The following NOCT variants were observed in gnomAD, a reference collection of about 807,000 sequenced individuals.
NOCT encodes CCR4 carbon catabolite repression 4-like.
In NOCT, 18 loss-of-function variants were observed where a neutral mutation model predicts 35.0. The ratio of observed to expected loss-of-function variants is 0.51; its 90% confidence interval spans 0.36 to 0.76. The LOEUF (loss-of-function observed/expected upper bound fraction) is 0.76, where lower values mean the gene tolerates loss of function less well. Among genes scored for constraint, NOCT ranks in the 30% least tolerant of loss-of-function variants. The probability of loss-of-function intolerance (pLI) is 0.01; values close to 1 mark genes in which losing one functional copy is unlikely to be tolerated. For synonymous variants in NOCT, 235 were observed against 226.3 expected (o/e 1.04, Z -0.34); for missense variants, 479 against 541.0 (o/e 0.89, Z 1.14).
rs1241888611 is a variant in NOCT at position 139,030,759 on chromosome 4, TGA to T, written c.191-12314_191-12313del. 5.3e-5 allele frequency among the ~76,000 whole-genome samples: 8 copies of T among 152,340 alleles called. No homozygotes were observed. The South Asian group carries it at 8.3e-4, about 16-fold the overall frequency. On this transcript the variant is annotated intron_variant, in intron 1 of 2. Coordinates refer to ENST00000280614, the MANE Select transcript of NOCT (RefSeq NM_012118.4). ...CTGGAACCTACTCTAAGAAGGCTAA[TGA>T]AAATCAGCTGCTAAATTAGCTTAGT...
At position 139,045,355 on chromosome 4, in the gene NOCT, G is replaced by C. The variant is rs144899070; in HGVS notation, c.1177G>C (p.Asp393His). Residue 393 changes from aspartate to histidine, a missense_variant, in exon 3 of 3, where the codon GAT becomes CAT. This residue lies in a region of NOCT where 214 missense variants were observed against 284.0 expected (regional missense o/e 0.75). Transcript: ENST00000280614. ...KHALNVRSALDLLTEEQIGPN... is the reference protein window; with the variant it reads ...KHALNVRSALHLLTEEQIGPN... ...TGCTCTAAATGTAAGGTCAGCTCTC[G>C]ATCTGCTCACTGAAGAACAGATTGG... 6.2e-7 allele frequency: 1 copy of C among 1,613,558 alleles called. No individual in the cohort carries two copies. The highest frequency in any genetic ancestry group is 1.7e-5 in the Admixed American group (1 of 59,978).
chr4:139,037,123 A>C (rs1366847608), intron 1 of NOCT, among the ~76,000 whole-genome samples: 2 of 152,238 alleles, frequency 1.3e-5, no homozygotes, highest in Non-Finnish European at 2.9e-5. Context: ...GTGTTGCACC[A>C]GTCCACCTTG....
At chr4:139,042,070 TC>T (rs1202699427) in intron 1 of NOCT, among the ~76,000 whole-genome samples, 2 of 114,128 alleles carry the variant, frequency 1.8e-5, no homozygotes, top group South Asian at 3.0e-4. Context: ...GTCTTTAAGA[TC>T]TTTTTTTTTT....
At chr4:139,028,371 G>T (rs1030368176) in intron 1 of NOCT, 20 of 152,278 alleles carry the variant, frequency 1.3e-4, no homozygotes, top group African/African-American at 4.8e-4. Context: ...AGGTTGTTTG[G>T]ATTGTCACAC....
intron 1 of NOCT, among the ~76,000 whole-genome samples, chr4:139,019,606 A>G (rs1726373417): frequency 6.6e-6 from 1 of 152,180 alleles, no homozygotes; most frequent in Non-Finnish European, 1.5e-5. Flanking sequence ...AGCTGTCCAC[A>G]TTTGCTAATC....
chr4:139,024,492 A>G (rs1726477160), intron 1 of NOCT, among the ~76,000 whole-genome samples: 1 of 152,160 alleles, frequency 6.6e-6, no homozygotes, highest in African/African-American at 2.4e-5. Flanking sequence ...TTTTGTGTCT[A>G]TAATGTCTCT....
intron 2 of NOCT, 93 bp from the exon 3 acceptor site, chr4:139,044,546 C>A: frequency 2.8e-6 from 2 of 721,976 alleles, no homozygotes; most frequent in South Asian, 1.8e-5. Flanking sequence ...GCAGAGGAAG[C>A]ATTCTGAGGG....
rs1296722783 is a variant in NOCT, at chr4:139,043,088, A to G, written c.205A>G (p.Thr69Ala). 1 of 1,596,832 alleles carries G rather than the reference A, an allele frequency of 6.3e-7. No homozygotes were observed. Among genetic ancestry groups the G allele is most frequent in the East Asian group, 2.3e-5 (1 of 44,358 alleles). ...SCSRTVCSMGTGTSRLYSALA... is the reference protein window; with the variant it reads ...SCSRTVCSMGAGTSRLYSALA... ...CTTTTCCGTAGTGTGTTCCATGGGA[A>G]CCGGTACAAGCAGACTCTATAGTGC... The change falls in exon 2 of 3, where the codon ACC (threonine) becomes GCC (alanine). Residue 69 changes from threonine to alanine, a missense_variant. Thr to Ala is a moderately conservative substitution (Grantham distance 58, BLOSUM62 0). Transcript: ENST00000280614.
chr4:139,020,960 C>T (rs889202934), intron 1 of NOCT, among the ~76,000 whole-genome samples: 10 of 150,512 alleles, frequency 6.6e-5, no homozygotes, highest in Admixed American at 3.3e-4. Flanking sequence ...CCAGCTGCTT[C>T]GGAAACTGAG....
rs777328444 is a variant in NOCT at position 139,045,068 on chromosome 4, G to A, written c.890G>A (p.Arg297Gln). The change falls in exon 3 of 3, where the codon CGA becomes CAA. Residue 297 changes from arginine to glutamine, a missense_variant. Arg to Gln is a conservative substitution (Grantham distance 43). Around this residue, in one of 2 missense-constraint regions of NOCT, gnomAD observed 214 missense variants for 284.0 expected, o/e 0.75. Coordinates refer to ENST00000280614, the MANE Select transcript of NOCT (RefSeq NM_012118.4). Reference protein sequence around the residue: ...LKARTGWERFRSAQGCDLLQN... With the variant: ...LKARTGWERFQSAQGCDLLQN... ...GCACGCACTGGCTGGGAGCGGTTTC[G>A]ATCAGCTCAAGGCTGTGACCTCCTT... 1.9e-6 allele frequency: 3 copies of A among 1,614,158 alleles called. No individual in the cohort carries two copies. Among genetic ancestry groups the A allele is most frequent in the South Asian group, 1.1e-5 (1 of 91,074 alleles).
At chr4:139,019,321 T>C (rs1726369106) in intron 1 of NOCT, among the ~76,000 whole-genome samples, 2 of 152,222 alleles carry the variant, frequency 1.3e-5, no homozygotes, top group South Asian at 4.1e-4. Flanking sequence ...TCCAAAGTGC[T>C]GGGATTACAG....
intron 1 of NOCT, among the ~76,000 whole-genome samples, chr4:139,021,383 C>T (rs936063320): frequency 2.0e-5 from 3 of 152,086 alleles, no homozygotes; most frequent in African/African-American, 7.2e-5. Context: ...CTTTGGGAGG[C>T]CAAGGCAGGC....
Position 139,045,395 on chromosome 4 carries a change from C to T in NOCT, c.1217C>T (p.Pro406Leu), listed in dbSNP as rs1157721190. 1.9e-6 allele frequency: 3 copies of T among 1,613,896 alleles called. No homozygotes were observed. The highest frequency in any genetic ancestry group is 2.5e-6 in the Non-Finnish European group (3 of 1,179,966). ...TEEQIGPNRL[P>L]SFNYPSDHLS... is the part of the protein sequence containing the mutation. Reference sequence around the variant, plus strand: ...GAACAGATTGGACCCAACAGGTTACCTTCCTTCAATTATCCTTCAGACCAC... The same window carrying T: ...GAACAGATTGGACCCAACAGGTTACTTTCCTTCAATTATCCTTCAGACCAC... The change falls in exon 3 of 3, where the codon CCT (proline) becomes CTT (leucine). Residue 406 changes from proline to leucine, a missense_variant. By Grantham distance (98) the Pro-to-Leu change is moderately conservative (BLOSUM62 -3). This residue lies in a region of NOCT where 214 missense variants were observed against 284.0 expected (regional missense o/e 0.75). Transcript: ENST00000280614.
chr4:139,043,427 A>C (rs754984909), intron 2 of NOCT, 84 bp downstream of exon 2: 1 of 1,351,704 alleles, frequency 7.4e-7, no homozygotes, highest in Non-Finnish European at 1.0e-6. Flanking sequence ...GCACTGTTTT[A>C]TGTGGAAGGA....
At chr4:139,028,277 G>A (rs1255715790) in intron 1 of NOCT, 1 of 152,246 alleles carries the variant, frequency 6.6e-6, no homozygotes, top group East Asian at 1.9e-4. Flanking sequence ...ATATGAGTCT[G>A]TCCTGGCTGA....
Position 139,045,217 on chromosome 4 carries a change from G to C in NOCT, c.1039G>C (p.Ala347Pro), listed in dbSNP as rs770479937. The change falls in exon 3 of 3, where the codon GCC becomes CCC. Residue 347 changes from alanine (A) to proline (P), a missense_variant. Physicochemically the swap from Ala to Pro is conservative, Grantham distance 27. Transcript: ENST00000280614. The stretch of plus-strand genomic sequence containing the variant: ...TTCCTCCAGCCTCAACCTGAACAGC[G>C]CCTACAAGCTGCTGAGTGCTGATGG... Reference protein sequence around the residue: ...FASSSLNLNSAYKLLSADGQS... With the variant: ...FASSSLNLNSPYKLLSADGQS... The C allele has an allele frequency of 6.2e-7, 1 of 1,614,130 alleles. No homozygotes were observed. Among genetic ancestry groups the C allele is most frequent in the South Asian group, 1.1e-5 (1 of 91,084 alleles).
chr4:139,042,503 C>T (rs1028550276), intron 1 of NOCT, among the ~76,000 whole-genome samples: 5 of 152,180 alleles, frequency 3.3e-5, no homozygotes, highest in African/African-American at 1.2e-4. Flanking sequence ...CAAAGTATTT[C>T]TTCCTTAAAA....
intron 2 of NOCT, chr4:139,043,546 A>G: frequency 1.8e-6 from 1 of 553,400 alleles, no homozygotes; most frequent in East Asian, 2.9e-5. Flanking sequence ...AGAAAGAAAA[A>G]AGACACTTTA....
chr4:139,019,390 C>T (rs143499278), intron 1 of NOCT, among the ~76,000 whole-genome samples: 1,625 of 152,254 alleles, frequency 0.011, 22 homozygotes, highest in South Asian at 0.036. Context: ...TTCTTGGATC[C>T]TACTGTAGAC....
Sources: gnomAD v4.1 joint callset for allele counts (sites outside exome capture counted in the v4.1 genomes callset) on GRCh38, gnomAD v4.1.1 for gene constraint, gnomAD v4.1.1 regional missense constraint, MANE v1.5 for transcripts, NCBI Gene and HGNC (gene_info 2026-07-23, HGNC 2026-07-21) for gene names.